Variants in DLG2 observed in about 807,000 individuals in gnomAD.
DLG2 encodes disks large homolog 2.
DLG2 carries 45 observed loss-of-function variants against 132.5 expected under a neutral mutation model. The observed-to-expected ratio is 0.34, with a 90% CI of 0.27 to 0.44. The LOEUF is 0.44. Ranked by LOEUF, DLG2 falls within the 20% of genes least tolerant of loss-of-function variation. The pLI, the probability that DLG2 is intolerant of heterozygous loss-of-function variation, is 1.00. For missense variants in DLG2, 1,045 were observed against 1,196.9 expected (o/e 0.87, Z 1.87); for synonymous variants, 424 against 419.6 (o/e 1.01, Z -0.13).
intron 16 of DLG2, among the ~76,000 whole-genome samples, chr11:83,859,109 T>C (rs1421664973): frequency 4.6e-5 from 7 of 152,186 alleles, no homozygotes; most frequent in Non-Finnish European, 8.8e-5. Context: ...TTAAAACTCT[T>C]TTTCTTCCCA....
intron 7 of DLG2, among the ~76,000 whole-genome samples, chr11:84,503,894 C>T (rs1207680980): frequency 1.3e-5 from 2 of 152,018 alleles, no homozygotes; most frequent in East Asian, 3.9e-4. Flanking sequence ...TTTATTCCTT[C>T]TTAGCTTCAC....
chr11:85,415,860 A>C (rs958147288), intron 3 of DLG2, among the ~76,000 whole-genome samples: 1 of 152,068 alleles, frequency 6.6e-6, no homozygotes, highest in Non-Finnish European at 1.5e-5. Context: ...AAAGAGTGGA[A>C]GCTCTTTAGT....
intron 7 of DLG2, among the ~76,000 whole-genome samples, chr11:84,274,232 G>A (rs2097764073): frequency 6.6e-6 from 1 of 152,218 alleles, no homozygotes; most frequent in South Asian, 2.1e-4. Context: ...TAATGTCTCT[G>A]TAGGATTGCT....
chr11:83,964,749 T>C (rs901639546), intron 13 of DLG2, among the ~76,000 whole-genome samples: 1 of 151,986 alleles, frequency 6.6e-6, no homozygotes. Context: ...TAGTTGTTAG[T>C]TGTTGCTGCA....
chr11:84,267,609 C>G (rs554624555), intron 7 of DLG2, among the ~76,000 whole-genome samples: 125 of 152,310 alleles, frequency 8.2e-4, no homozygotes, highest in African/African-American at 2.8e-3. Context: ...CACAGCAGGG[C>G]AGGCCGTCTG....
At chr11:84,485,032 A>C (rs2099147301) in intron 7 of DLG2, among the ~76,000 whole-genome samples, 1 of 152,114 alleles carries the variant, frequency 6.6e-6, no homozygotes, top group Non-Finnish European at 1.5e-5. Context: ...ATCCATCCTC[A>C]ATTTAGAGAT....
chr11:84,873,150 C>T (rs571440715), intron 6 of DLG2, among the ~76,000 whole-genome samples: 1 of 152,256 alleles, frequency 6.6e-6, no homozygotes, highest in East Asian at 1.9e-4. Context: ...TTATCATTAG[C>T]TTGGGTTATC....
chr11:84,669,286 G>C (rs1034456396), intron 6 of DLG2, among the ~76,000 whole-genome samples: 1 of 152,100 alleles, frequency 6.6e-6, no homozygotes, highest in African/African-American at 2.4e-5. Flanking sequence ...GCTGAAACAA[G>C]GGGGAGTATG....
chr11:84,411,662 A>G (rs1425858915), intron 7 of DLG2, among the ~76,000 whole-genome samples: 1 of 152,192 alleles, frequency 6.6e-6, no homozygotes, highest in East Asian at 1.9e-4. Flanking sequence ...AGAATGAAAC[A>G]CATTTTCATT....
chr11:84,369,003 G>A (rs1367341845), intron 7 of DLG2, among the ~76,000 whole-genome samples: 1 of 151,894 alleles, frequency 6.6e-6, no homozygotes, highest in African/African-American at 2.4e-5. Context: ...ATGAGGTAAC[G>A]TATTCACAAT....
At chr11:84,578,234 C>A (rs942377858) in intron 6 of DLG2, among the ~76,000 whole-genome samples, 125 of 152,088 alleles carry the variant, frequency 8.2e-4, no homozygotes, top group African/African-American at 3.0e-3. Flanking sequence ...CCCCCCACCC[C>A]ATACAAAGTC....
At chr11:83,963,128 A>T (rs1275674367) in intron 13 of DLG2, 105 bp from the exon 14 acceptor site, 1 of 1,298,866 alleles carries the variant, frequency 7.7e-7, no homozygotes, top group Non-Finnish European at 1.1e-6. Context: ...GCTTTGCTGC[A>T]TGCCAAGGTT....
intron 19 of DLG2, among the ~76,000 whole-genome samples, chr11:83,554,784 A>G (rs904644913): frequency 6.6e-6 from 1 of 152,160 alleles, no homozygotes; most frequent in Non-Finnish European, 1.5e-5. Context: ...TGGTAAAGCA[A>G]TCAGAGGCTG....
chr11:84,402,377 C>T (rs1175690301), intron 7 of DLG2, among the ~76,000 whole-genome samples: 4 of 152,086 alleles, frequency 2.6e-5, no homozygotes, highest in Non-Finnish European at 5.9e-5. Context: ...AGATTTGTCT[C>T]TAGGTTTGAT....
intron 11 of DLG2, among the ~76,000 whole-genome samples, chr11:83,992,219 G>A (rs562687675): frequency 1.7e-3 from 255 of 152,066 alleles, no homozygotes; most frequent in Non-Finnish European, 3.0e-3. Flanking sequence ...CCTAAATATT[G>A]TTGTTACATC....
chr11:84,923,026 A>G, intron 6 of DLG2: 1 of 1,610,276 alleles, frequency 6.2e-7, no homozygotes, highest in East Asian at 2.2e-5. Context: ...CATTTTCTGC[A>G]GCTGGTTTAA....
At chr11:84,062,094 T>C (rs977372158) in intron 10 of DLG2, among the ~76,000 whole-genome samples, 1 of 152,172 alleles carries the variant, frequency 6.6e-6, no homozygotes, top group Admixed American at 6.6e-5. Flanking sequence ...GCTATATATA[T>C]CTATTCAAAC....
At chr11:85,352,999 A>T (rs968695854) in intron 3 of DLG2, among the ~76,000 whole-genome samples, 1 of 152,200 alleles carries the variant, frequency 6.6e-6, no homozygotes, top group Non-Finnish European at 1.5e-5. Flanking sequence ...GATCTAATTA[A>T]ACTAAAGAGC....
intron 6 of DLG2, among the ~76,000 whole-genome samples, chr11:85,006,947 A>G (rs2058711723): frequency 6.6e-6 from 1 of 152,202 alleles, no homozygotes; most frequent in Non-Finnish European, 1.5e-5. Context: ...TTTAAACCCT[A>G]GAATTTTAAT....
Sources: allele counts gnomAD v4.1 joint callset (sites outside exome capture counted in the v4.1 genomes callset), GRCh38; gene constraint gnomAD v4.1.1; transcripts MANE v1.5; gene names NCBI Gene and HGNC (gene_info 2026-07-23, HGNC 2026-07-21).